Variants in CDK15 observed in about 807,000 individuals in gnomAD.
The protein encoded by CDK15 is cyclin-dependent kinase 15.
Under a neutral mutation model 60.3 loss-of-function variants are expected in CDK15, and 62 were observed. The observed-to-expected ratio is 1.03, with a 90% confidence interval of 0.84 to 1.27. The LOEUF (loss-of-function observed/expected upper bound fraction) is 1.27, where lower values mean the gene tolerates loss of function less well. Among genes scored for constraint, CDK15 ranks in the 50% most tolerant of loss-of-function variants. CDK15 has a pLI of 0.00. For synonymous variants in CDK15, 194 were observed against 195.7 expected (o/e 0.99, Z 0.07); for missense variants, 541 against 527.8 (o/e 1.03, Z -0.25).
intron 12 of CDK15, chr2:201,888,768 G>T (rs1699547293): frequency 2.5e-6 from 3 of 1,181,380 alleles, no homozygotes; most frequent in East Asian, 8.5e-5. Context: ...CTTTTGAGGG[G>T]CAAGGAAGCC....
intron 5 of CDK15, 101 bp from the exon 6 acceptor site, chr2:201,823,564 C>A: frequency 9.3e-7 from 1 of 1,070,392 alleles, no homozygotes; most frequent in Non-Finnish European, 1.4e-6. Flanking sequence ...AAATTCTGTA[C>A]TTCGTAATAC....
intron 12 of CDK15, among the ~76,000 whole-genome samples, chr2:201,885,551 C>A (rs1463577564): frequency 6.6e-6 from 1 of 152,122 alleles, no homozygotes; most frequent in African/African-American, 2.4e-5. Flanking sequence ...CCATCCATTT[C>A]AATATGTTAG....
intron 10 of CDK15, among the ~76,000 whole-genome samples, chr2:201,864,377 G>A (rs1698523646): frequency 6.6e-6 from 1 of 152,190 alleles, no homozygotes; most frequent in Non-Finnish European, 1.5e-5. Flanking sequence ...GGGTACAGTG[G>A]CGCGATCTTG....
intron 9 of CDK15, among the ~76,000 whole-genome samples, chr2:201,848,380 T>C (rs1439096552): frequency 1.3e-5 from 2 of 152,176 alleles, no homozygotes. Flanking sequence ...ATTTTTATTG[T>C]GGTAAAATAT....
chr2:201,837,812 C>T (rs1330094703), intron 8 of CDK15, among the ~76,000 whole-genome samples: 1 of 152,108 alleles, frequency 6.6e-6, no homozygotes, highest in Non-Finnish European at 1.5e-5. Context: ...TTTCAAAAAT[C>T]CATAATTGAT....
intron 10 of CDK15, among the ~76,000 whole-genome samples, chr2:201,864,803 G>A (rs1211672396): frequency 1.3e-5 from 2 of 152,186 alleles, no homozygotes; most frequent in Non-Finnish European, 2.9e-5. Flanking sequence ...AGGTATCTGT[G>A]GAACCACAAA....
At chr2:201,880,251 C>A in intron 12 of CDK15, 84 bp downstream of exon 12, 1 of 1,491,956 alleles carries the variant, frequency 6.7e-7, no homozygotes. Flanking sequence ...AAGTAGTTTG[C>A]CTCAGCACCG....
chr2:201,888,511 G>A (rs751976306), intron 12 of CDK15: 13 of 1,531,744 alleles, frequency 8.5e-6, no homozygotes, highest in Non-Finnish European at 7.9e-6. Flanking sequence ...CTAATGAGGA[G>A]TCACCAGAGT....
chr2:201,861,633 T>C (rs1698403038), intron 10 of CDK15: 1 of 669,460 alleles, frequency 1.5e-6, no homozygotes, highest in Admixed American at 6.6e-5. Context: ...TGATCTCGGC[T>C]CACCGCAGCC....
chr2:201,807,653 C>G lies in CDK15; in HGVS notation c.273+10C>G, dbSNP rs201182481. The stretch of plus-strand genomic sequence containing the variant: ...GCAGGGTTTTCAGTGGGTGAGTGAG[C>G]AGCTGATGTTGATCAAGAAGAATTT... On this transcript the variant is annotated intron_variant, in intron 2 of 13. Transcript: ENST00000652192. 4.3e-6 allele frequency: 7 copies of G among 1,613,882 alleles called. No homozygotes were observed. The East Asian group carries it at 1.6e-4, about 36-fold the overall frequency.
chr2:201,826,640 A>G (rs1380852444), intron 6 of CDK15, among the ~76,000 whole-genome samples: 5 of 152,140 alleles, frequency 3.3e-5, no homozygotes, highest in African/African-American at 1.2e-4. Flanking sequence ...TAGAGGAAAC[A>G]CAGTGTTTTG....
intron 9 of CDK15, among the ~76,000 whole-genome samples, chr2:201,853,001 T>C (rs1319654075): frequency 6.6e-6 from 1 of 152,244 alleles, no homozygotes; most frequent in East Asian, 1.9e-4. Flanking sequence ...TCTATTGTTT[T>C]CTCTTCATTA....
At chr2:201,828,449 A>T (rs371021593) in intron 6 of CDK15, among the ~76,000 whole-genome samples, 14 of 152,192 alleles carry the variant, frequency 9.2e-5, no homozygotes, top group African/African-American at 3.4e-4. Context: ...TGAAAAAAAA[A>T]TACACACTGT....
intron 6 of CDK15, among the ~76,000 whole-genome samples, chr2:201,829,869 G>A (rs12185757): frequency 0.22 from 33,955 of 151,618 alleles, 4,088 homozygotes; most frequent in East Asian, 0.41. Context: ...GTGCAGTGGC[G>A]CAAACTCAGC....
At chr2:201,826,373 T>C (rs1696493662) in intron 6 of CDK15, among the ~76,000 whole-genome samples, 1 of 140,142 alleles carries the variant, frequency 7.1e-6, no homozygotes, top group East Asian at 2.2e-4. Context: ...GGCAGGAGAA[T>C]GGCGTGAACC....
At chr2:201,869,531 T>C (rs1257666872) in intron 10 of CDK15, among the ~76,000 whole-genome samples, 1 of 150,494 alleles carries the variant, frequency 6.6e-6, no homozygotes. Flanking sequence ...AGTACAATAA[T>C]GAAAAAAATT....
chr2:201,892,205 T>G (rs532449967), intron 13 of CDK15, among the ~76,000 whole-genome samples: 1 of 152,308 alleles, frequency 6.6e-6, no homozygotes, highest in East Asian at 1.9e-4. Context: ...ATATGGTATT[T>G]CCCAAGCAAA....
intron 8 of CDK15, among the ~76,000 whole-genome samples, chr2:201,841,496 T>C (rs1697378387): frequency 6.6e-6 from 1 of 152,152 alleles, no homozygotes; most frequent in Non-Finnish European, 1.5e-5. Flanking sequence ...TCTCCTCCCA[T>C]TTTTTTCTTT....
chr2:201,808,969 C>T (rs12619022), intron 3 of CDK15, among the ~76,000 whole-genome samples: 3 of 151,638 alleles, frequency 2.0e-5, no homozygotes, highest in South Asian at 2.1e-4. Context: ...CTGTCACCCA[C>T]GCTGGAGTGC....
Sources: allele counts gnomAD v4.1 joint callset (sites outside exome capture counted in the v4.1 genomes callset), GRCh38; gene constraint gnomAD v4.1.1; transcripts MANE v1.5; gene names NCBI Gene and HGNC (gene_info 2026-07-23, HGNC 2026-07-21).